The following UBASH3A variants were observed in gnomAD, a reference collection of about 807,000 sequenced individuals.
UBASH3A encodes ubiquitin associated and SH3 domain containing A, also known as ubiquitin-associated and SH3 domain-containing protein A.
In UBASH3A, 63 loss-of-function variants were observed where a neutral mutation model predicts 73.5. The observed-to-expected ratio is 0.86, with a 90% CI of 0.70 to 1.06. The LOEUF is 1.06. UBASH3A is among the 50% of genes least tolerant of loss of function. UBASH3A has a pLI of 0.00. For missense variants in UBASH3A, 860 were observed against 859.0 expected (o/e 1.00, Z -0.02); for synonymous variants, 363 against 351.1 (o/e 1.03, Z -0.38).
intron 2 of UBASH3A, among the ~76,000 whole-genome samples, chr21:42,408,642 C>T (rs1437590556): frequency 6.6e-6 from 1 of 152,112 alleles, no homozygotes; most frequent in East Asian, 1.9e-4. Context: ...GTGAACTTGA[C>T]AGATGAGAAA....
chr21:42,446,949 C>G, intron 14 of UBASH3A, 108 bp from the exon 15 acceptor site: 1 of 1,322,970 alleles, frequency 7.6e-7, no homozygotes, highest in Non-Finnish European at 1.0e-6. Context: ...CCTGGGCAGT[C>G]GCAGACCCTC....
At chr21:42,422,913 G>A (rs922483517) in intron 7 of UBASH3A, among the ~76,000 whole-genome samples, 5 of 152,194 alleles carry the variant, frequency 3.3e-5, no homozygotes, top group South Asian at 4.1e-4. Flanking sequence ...ACCGGTGGGT[G>A]TTGGGAGTGG....
intron 6 of UBASH3A, 111 bp downstream of exon 6, chr21:42,416,722 A>T (rs965638412): frequency 4.7e-6 from 5 of 1,063,524 alleles, no homozygotes; most frequent in Non-Finnish European, 6.3e-6. Flanking sequence ...TCATGAGGTC[A>T]GGAGATGGAG....
At chr21:42,435,910 G>C (rs1184285597) in intron 10 of UBASH3A, among the ~76,000 whole-genome samples, 1 of 137,778 alleles carries the variant, frequency 7.3e-6, no homozygotes, top group Non-Finnish European at 1.6e-5. Context: ...TAGAGTTATG[G>C]AGCCATAGAG....
chr21:42,431,388 C>A (rs1261553028), intron 8 of UBASH3A, among the ~76,000 whole-genome samples: 1 of 152,272 alleles, frequency 6.6e-6, no homozygotes, highest in African/African-American at 2.4e-5. Flanking sequence ...GGCTCCAAGG[C>A]CATCCTGCGG....
chr21:42,434,787 A>G, intron 9 of UBASH3A, 45 bp from the exon 10 acceptor site: 1 of 1,594,488 alleles, frequency 6.3e-7, no homozygotes, highest in South Asian at 1.1e-5. Flanking sequence ...ACAAATCTGT[A>G]CTAACTTGAT....
intron 7 of UBASH3A, among the ~76,000 whole-genome samples, chr21:42,420,752 G>A (rs1383639368): frequency 6.9e-6 from 1 of 145,036 alleles, no homozygotes; most frequent in African/African-American, 2.7e-5. Context: ...GTCTCTGAGT[G>A]TGAGGAAAGC....
chr21:42,432,037 AT>A, intron 8 of UBASH3A, 65 bp from the exon 9 acceptor site: 1 of 962,904 alleles, frequency 1.0e-6, no homozygotes, highest in African/African-American at 1.6e-5. Context: ...GAGAGCTGCC[AT>A]TGGTGCAAGT....
chr21:42,412,203 C>A (rs959581973), intron 3 of UBASH3A, among the ~76,000 whole-genome samples: 1 of 152,166 alleles, frequency 6.6e-6, no homozygotes, highest in African/African-American at 2.4e-5. Flanking sequence ...GGAGAGGCTG[C>A]GTCTGGCTGG....
At chr21:42,426,950 T>A in intron 8 of UBASH3A, 130 bp downstream of exon 8, 1 of 1,238,142 alleles carries the variant, frequency 8.1e-7, no homozygotes. Flanking sequence ...CCCTAGAGCG[T>A]GGTCAGCAAG....
chr21:42,440,326 A>G (rs2053718998), intron 11 of UBASH3A, among the ~76,000 whole-genome samples: 1 of 152,248 alleles, frequency 6.6e-6, no homozygotes, highest in Admixed American at 6.5e-5. Context: ...CTTCAGTGTG[A>G]GGGTGGCTCT....
At chr21:42,409,381 T>C in intron 2 of UBASH3A, 41 bp from the exon 3 acceptor site, 1 of 1,507,706 alleles carries the variant, frequency 6.6e-7, no homozygotes. Flanking sequence ...AAACTCTTTT[T>C]GTTGTGACAG....
chr21:42,431,738 A>G (rs901666219), intron 8 of UBASH3A, among the ~76,000 whole-genome samples: 3 of 152,266 alleles, frequency 2.0e-5, no homozygotes, highest in Non-Finnish European at 2.9e-5. Flanking sequence ...AATCTATACT[A>G]TAACAATACA....
At chr21:42,426,015 G>A (rs2053428300) in intron 7 of UBASH3A, among the ~76,000 whole-genome samples, 1 of 152,174 alleles carries the variant, frequency 6.6e-6, no homozygotes, top group Admixed American at 6.5e-5. Context: ...GAGAGATCTA[G>A]TTGAAGGAAT....
intron 2 of UBASH3A, among the ~76,000 whole-genome samples, chr21:42,407,893 T>C (rs1179446129): frequency 6.6e-6 from 1 of 152,272 alleles, no homozygotes; most frequent in Admixed American, 6.5e-5. Context: ...ATTGTATATG[T>C]ATACATGAAC....
chr21:42,406,445 C>T, intron 2 of UBASH3A, 84 bp downstream of exon 2: 2 of 1,200,838 alleles, frequency 1.7e-6, no homozygotes, highest in Non-Finnish European at 2.5e-6. Context: ...AGGGCTGATA[C>T]CAGGAAGAGC....
chr21:42,404,421 C>T (rs148133982), intron 1 of UBASH3A, among the ~76,000 whole-genome samples: 3 of 151,974 alleles, frequency 2.0e-5, no homozygotes, highest in East Asian at 1.9e-4. Context: ...TTAGTGTTAG[C>T]GTATTTTATG....
At chr21:42,443,005 T>G in intron 12 of UBASH3A, 25 of 722,070 alleles carry the variant, frequency 3.5e-5, no homozygotes, top group Non-Finnish European at 4.7e-5. Flanking sequence ...AAGACCTCAT[T>G]GAGAAGAAGG....
Position 42,416,607 on chromosome 21 carries a change from A to G in UBASH3A, c.833A>G (p.Tyr278Cys). 6.3e-7 allele frequency: 1 copy of G among 1,577,776 alleles called. No homozygotes were observed. The highest frequency in any genetic ancestry group is 8.6e-7 in the Non-Finnish European group (1 of 1,161,824). ...TCCCGAGACATGCGCTTTGTGCACT[A>G]CCAGGTGAGAGAGCTGAGCAGGGGC... The part of the protein sequence containing the change: ...LYSRDMRFVH[Y>C]QTLRALFQYK... Residue 278 changes from tyrosine (Y) to cysteine (C), a missense_variant, in exon 6 of 15, where the codon TAC (tyrosine) becomes TGC (cysteine). Transcript: ENST00000319294.
Sources: allele counts gnomAD v4.1 joint callset (sites outside exome capture counted in the v4.1 genomes callset), GRCh38; gene constraint gnomAD v4.1.1; transcripts MANE v1.5; gene names NCBI Gene and HGNC (gene_info 2026-07-23, HGNC 2026-07-21).